The following MUTYH variants were observed in gnomAD, a reference collection of about 807,000 sequenced individuals.
The protein encoded by MUTYH is mutY DNA glycosylase.
In MUTYH, 64 loss-of-function variants were observed where a neutral mutation model predicts 72.9. That is an observed-to-expected ratio of 0.88 (90% CI 0.72 to 1.08). MUTYH has a LOEUF of 1.08. MUTYH is among the 50% of genes least tolerant of loss of function. The pLI, the probability that MUTYH is intolerant of heterozygous loss-of-function variation, is 0.00. For missense variants in MUTYH, 633 were observed against 671.0 expected (o/e 0.94, Z 0.63); for synonymous variants, 234 against 263.1 (o/e 0.89, Z 1.07).
At chr1:45,335,146 C>T (rs994234340) in intron 1 of MUTYH, among the ~76,000 whole-genome samples, 2 of 152,058 alleles carry the variant, frequency 1.3e-5, no homozygotes, top group East Asian at 1.9e-4. Flanking sequence ...TTATAATGGC[C>T]GCCTTTTCTC....
Position 45,334,463 on chromosome 1 carries a change from G to A in MUTYH, c.43C>T (p.Gln15Ter), listed in dbSNP as rs768386527. The A allele has an allele frequency of 1.9e-6, 3 of 1,614,000 alleles. No homozygotes were observed. The highest frequency in any genetic ancestry group is 2.5e-6 in the Non-Finnish European group (3 of 1,180,014). The change falls in exon 2 of 16, where the codon CAG becomes TAG. Residue 15 changes from glutamine to a stop codon, truncating the protein, a stop_gained. Transcript: ENST00000456914. LOFTEE classifies it high-confidence loss of function. ...RAAVGSGHRK[Q>*]AASQEGRQKH... ...TGCCTCCCTTCCTGGCTGGCTGCCTGCTTCCTGTGACCACTTCCCACGGCT... is the reference window on the plus strand; with the variant it reads ...TGCCTCCCTTCCTGGCTGGCTGCCTACTTCCTGTGACCACTTCCCACGGCT...
intron 14 of MUTYH, 23 bp downstream of exon 14, chr1:45,331,159 A>C: frequency 6.2e-7 from 1 of 1,613,970 alleles, no homozygotes; most frequent in East Asian, 2.2e-5. Context: ...AAGGAAGTAC[A>C]ACAAAGACAA....
upstream of MUTYH, chr1:45,340,281 T>TTTCAGCTCCCGCAGC (rs759492439): frequency 2.5e-6 from 4 of 1,613,664 alleles, no homozygotes; most frequent in East Asian, 2.2e-5. Context: ...GATGGCGCAG[T>TTTCAGCTCCCGCAGC]TTCAGCTCCC....
In MUTYH at chr1:45,332,775, C is replaced by G. The variant is rs1335408660; in HGVS notation, c.480G>C (p.Glu160Asp). The change falls in exon 7 of 16, where the codon GAG (glutamate) becomes GAC (aspartate). Residue 160 changes from glutamate to aspartate, a missense_variant. Physicochemically the swap from Glu to Asp is conservative, Grantham distance 45 (BLOSUM62 2). Transcript: ENST00000456914. ...GCCATCCCCTTACCTTCCGAGCTCC[C>G]TCCTGCAGCCGCCGGCCACGAGAAT... ...GYYSRGRRLQ[E>D]GARKVVEELG... is the part of the protein sequence containing the mutation. 6 of 1,614,182 alleles carry G rather than the reference C, an allele frequency of 3.7e-6. No individual in the cohort carries two copies. Among genetic ancestry groups the G allele is most frequent in the Non-Finnish European group, 5.1e-6 (6 of 1,180,030 alleles).
intron 1 of MUTYH, among the ~76,000 whole-genome samples, chr1:45,335,866 T>C (rs922662045): frequency 3.9e-5 from 6 of 152,004 alleles, no homozygotes; most frequent in African/African-American, 1.5e-4. Context: ...CCCTCTGACA[T>C]GCTGAACTCA....
intron 2 of MUTYH, among the ~76,000 whole-genome samples, chr1:45,333,874 C>T (rs923976895): frequency 1.3e-5 from 2 of 152,208 alleles, no homozygotes; most frequent in Non-Finnish European, 2.9e-5. Flanking sequence ...GGCTCATAAA[C>T]TCATTTGGTC....
rs746159001 is a variant in MUTYH, at chr1:45,329,350, G to A, written c.1522C>T (p.His508Tyr). 5 of 1,614,236 alleles carry A rather than the reference G, an allele frequency of 3.1e-6. No individual in the cohort carries two copies. In the South Asian group the frequency reaches 5.5e-5, roughly 18 times the overall value. The change falls in exon 16 of 16, where the codon CAC becomes TAC. Residue 508 changes from histidine (H) to tyrosine (Y), a missense_variant. His to Tyr is a moderately conservative substitution (Grantham distance 83). Transcript: ENST00000456914. The part of the protein sequence containing the change: ...QQVLDNFFRS[H>Y]ISTDAHSLNS... ...AGGCTGTGTGCATCAGTGGAGATGT[G>A]AGACCGAAAGAAATTATCCAGGACT...
At chr1:45,331,599 C>T (rs531232542) in intron 12 of MUTYH, 43 bp from the exon 13 acceptor site, 3 of 1,613,190 alleles carry the variant, frequency 1.9e-6, no homozygotes, top group Non-Finnish European at 2.5e-6. Context: ...CCTCAGCTGC[C>T]GATTCCCTCC....
At chr1:45,340,115 A>T (rs2149247296), upstream of MUTYH, 3 of 1,560,778 alleles carry the variant, frequency 1.9e-6, no homozygotes, top group Non-Finnish European at 1.7e-6. Context: ...CGGACCCGGG[A>T]CGTCTGAACG....
intron 1 of MUTYH, 43 bp from the exon 2 acceptor site, chr1:45,334,554 G>A (rs1284231209): frequency 6.2e-7 from 1 of 1,613,200 alleles, no homozygotes; most frequent in Admixed American, 1.7e-5. Flanking sequence ...TCACAATGAG[G>A]CCAAATTTTG....
At chr1:45,337,273 C>T (rs1646037335) in intron 1 of MUTYH, among the ~76,000 whole-genome samples, 1 of 151,596 alleles carries the variant, frequency 6.6e-6, no homozygotes, top group African/African-American at 2.4e-5. Flanking sequence ...TACCCCACCC[C>T]AACTCCAAGC....
chr1:45,334,915 G>C (rs896692758), intron 1 of MUTYH, among the ~76,000 whole-genome samples: 1 of 152,124 alleles, frequency 6.6e-6, no homozygotes, highest in African/African-American at 2.4e-5. Context: ...ATGTAGCATG[G>C]TTACACTGAA....
At position 45,332,402 on chromosome 1, in the gene MUTYH, G is replaced by A; in HGVS notation, c.693C>T (p.Ser231=). 6.2e-7 allele frequency: 1 copy of A among 1,614,154 alleles called. No individual in the cohort carries two copies. The highest frequency in any genetic ancestry group is 8.5e-7 in the Non-Finnish European group (1 of 1,180,016). ...IGADPSSTLV[S]QQLWGLAQQL... ...CCCCAACATCCTACCAGAGCTGCTG[G>A]GAAACAAGGGTGCTGCTGGGATCAG... Residue 231 remains serine, a synonymous_variant, in exon 9 of 16, where the codon TCC becomes TCT. Coordinates refer to ENST00000456914, the MANE Select transcript of MUTYH (RefSeq NM_001048174.2).
At chr1:45,333,004 G>T in intron 5 of MUTYH, 45 bp from the exon 6 acceptor site, 1 of 1,613,870 alleles carries the variant, frequency 6.2e-7, no homozygotes, top group Non-Finnish European at 8.5e-7. Flanking sequence ...AAGGGTGAAG[G>T]TGGTAGAGGA....
Position 45,333,452 on chromosome 1 carries a change from C to T in MUTYH, c.225G>A (p.Trp75Ter), listed in dbSNP as rs748170941. The change falls in exon 3 of 16, where the codon TGG becomes TGA. Residue 75 changes from tryptophan to a stop codon, truncating the protein, a stop_gained. Transcript: ENST00000456914. LOFTEE classifies it high-confidence loss of function. ...VTAFRGSLLS[W>*]YDQEKRDLPW... ...GTAGGTCCCGTTTCTCTTGGTCGTA[C>T]CAGCTTAGCAGGCTCCCTCGGAAGG... 45 of 1,614,102 alleles carry T rather than the reference C, an allele frequency of 2.8e-5. No homozygotes were observed. Among genetic ancestry groups the T allele is most frequent in the Non-Finnish European group, 3.8e-5 (45 of 1,180,048 alleles).
At chr1:45,337,850 A>C (rs147002384) in intron 1 of MUTYH, among the ~76,000 whole-genome samples, 3 of 152,348 alleles carry the variant, frequency 2.0e-5, no homozygotes, top group East Asian at 3.8e-4. Context: ...GCCCTCAGGG[A>C]GCTTATATTC....
chr1:45,335,816 A>G lies in MUTYH; in HGVS notation c.-6-1305T>C, dbSNP rs117004179. Among the ~76,000 whole-genome samples, 63 of 152,224 alleles carry G rather than the reference A, an allele frequency of 4.1e-4. No individual in the cohort carries two copies. In the East Asian group the frequency reaches 0.012, roughly 28 times the overall value. On this transcript the variant is annotated intron_variant, in intron 1 of 15. Transcript: ENST00000456914. ...AAGACAGAGCAAGACTCTGTCTCAA[A>G]AAAAAAGAAAAGAAAAGAAACCAAT...
rs1060501325 is a variant in MUTYH at position 45,331,462 on chromosome 1, C to T, written c.1197G>A (p.Trp399Ter). 6 of 1,614,212 alleles carry T rather than the reference C, an allele frequency of 3.7e-6. No individual in the cohort carries two copies. The highest frequency in any genetic ancestry group is 5.1e-6 in the Non-Finnish European group (6 of 1,180,032). Residue 399 changes from tryptophan (W) to a stop codon, truncating the protein, a stop_gained, in exon 13 of 16, where the codon TGG becomes TGA. Transcript: ENST00000456914. LOFTEE classifies it high-confidence loss of function. ...GGTGCGTGGCTGGGAGGGGCCCAGC[C>T]CAACGCTGTAGTTCCTGCAGCAGGG... ...RKALLQELQRWAGPLPATHLR... is the reference protein window; with the variant it reads ...RKALLQELQR
chr1:45,337,436 C>A (rs1483398598), intron 1 of MUTYH, among the ~76,000 whole-genome samples: 3 of 152,156 alleles, frequency 2.0e-5, no homozygotes, highest in African/African-American at 7.2e-5. Context: ...GGGATACAGG[C>A]ATGAGCCACG....
Sources: gnomAD v4.1 joint callset for allele counts (sites outside exome capture counted in the v4.1 genomes callset) on GRCh38, gnomAD v4.1.1 for gene constraint, MANE v1.5 for transcripts, NCBI Gene and HGNC (gene_info 2026-07-23, HGNC 2026-07-21) for gene names.